Variants in TRAPPC4 observed in about 807,000 individuals in gnomAD.
The protein encoded by TRAPPC4 is TRS23 homolog.
A neutral mutation model predicts 23.5 loss-of-function variants in TRAPPC4; 30 were observed. The observed-to-expected ratio is 1.28, with a 90% CI of 0.96 to 1.73. The LOEUF is 1.73. TRAPPC4 is among the 40% of genes most tolerant of loss of function. The probability of loss-of-function intolerance (pLI) is 0.00; values close to 1 mark genes in which losing one functional copy is unlikely to be tolerated. For missense variants in TRAPPC4, 252 were observed against 268.9 expected (o/e 0.94, Z 0.44); for synonymous variants, 129 against 105.3 (o/e 1.23, Z -1.38).
chr11:119,019,380 T>C (rs546431633), intron 2 of TRAPPC4, 63 bp downstream of exon 2: 1 of 1,540,328 alleles, frequency 6.5e-7, no homozygotes, highest in Admixed American at 1.9e-5. Context: ...TAAATCGTCG[T>C]TCTGGTGTTA....
In TRAPPC4 at chr11:119,019,257, G is replaced by T. The variant is rs781950400; in HGVS notation, c.290G>T (p.Arg97Leu). ...CCTGCTAATTACCCGGTGTCCATTC[G>T]ATTTGGCCGGCCCCGCCTCACTTCT... ...GNPANYPVSI[R>L]FGRPRLTSNE... is the part of the protein sequence containing the mutation. Residue 97 changes from arginine to leucine, a missense_variant, in exon 2 of 5, where the codon CGA becomes CTA. Around this residue, in one of 3 missense-constraint regions of TRAPPC4, gnomAD observed 222 missense variants for 217.8 expected, o/e 1.02. Transcript: ENST00000533632. 2 of 1,614,068 alleles carry T rather than the reference G, an allele frequency of 1.2e-6. No homozygotes were observed. Among genetic ancestry groups the T allele is most frequent in the South Asian group, 1.1e-5 (1 of 91,088 alleles).
At chr11:119,021,689 T>C (rs927052536) in intron 3 of TRAPPC4, 71 bp from the exon 4 acceptor site, 96 of 1,549,698 alleles carry the variant, frequency 6.2e-5, no homozygotes, top group Non-Finnish European at 7.7e-5. Flanking sequence ...TTGAAAGTGC[T>C]GTACAAATAC....
chr11:119,020,489 G>GCC lies in TRAPPC4; in HGVS notation c.454+240_454+241dup. 7.5e-6 allele frequency: 3 copies of GCC among 397,690 alleles called. No homozygotes were observed. In the South Asian group the frequency reaches 8.2e-5, roughly 11 times the overall value. The allele number at this position is 397,690 out of a possible 1,614,324, so 24.6% of individuals were successfully genotyped here. ...AGGCTGGAATGCAGGGGCATGATCC[G>GCC]CCCCCTGGGTTCAAGCGATTCTCCT... On this transcript the variant is annotated intron_variant, in intron 3 of 4. Transcript: ENST00000533632.
In TRAPPC4 at chr11:119,018,794, C is replaced by A; in HGVS notation, c.-2C>A. The A allele has an allele frequency of 1.2e-6, 2 of 1,611,304 alleles. No homozygotes were observed. ...TACCAGTTTCCGAGCGGCAAGGCAG[C>A]GATGGCGATTTTTAGTGTGTATGTG... is the stretch of plus-strand genomic sequence containing the variant. On this transcript the variant is annotated 5_prime_UTR_variant, in exon 1 of 5. Coordinates refer to ENST00000533632, the MANE Select transcript of TRAPPC4 (RefSeq NM_016146.6).
chr11:119,020,604 T>C lies in TRAPPC4; in HGVS notation c.454+351T>C, dbSNP rs117694374. The C allele has an allele frequency of 8.4e-3, 1,704 of 202,324 alleles. 10 individuals are homozygous for C. The highest frequency in any genetic ancestry group is 0.023 in the Middle Eastern group (11 of 488). 12.5% of individuals were successfully genotyped at this position (202,324 alleles called of 1,614,324 possible). On this transcript the variant is annotated intron_variant, in intron 3 of 4. Transcript: ENST00000533632. The stretch of plus-strand genomic sequence containing the variant: ...TTTTATTAGAGATGGTGTTTCTCCA[T>C]ATTGGTCATGGTGGTCTCAAACTCC...
At position 119,019,161 on chromosome 11, in the gene TRAPPC4, C is replaced by T. The variant is rs558283221; in HGVS notation, c.194C>T (p.Ala65Val). The T allele has an allele frequency of 1.9e-6, 3 of 1,614,136 alleles. No homozygotes were observed. Among genetic ancestry groups the T allele is most frequent in the African/African-American group, 1.3e-5 (1 of 75,048 alleles). The change falls in exon 2 of 5, where the codon GCC becomes GTC. Residue 65 changes from alanine (A) to valine (V), a missense_variant. Around this residue, in one of 3 missense-constraint regions of TRAPPC4, gnomAD observed 222 missense variants for 217.8 expected, o/e 1.02. Transcript: ENST00000533632. ...DGIRVGHAVLAINGMDVNGRY... is the reference protein window; with the variant it reads ...DGIRVGHAVLVINGMDVNGRY... ...TCTGCAGTGGGTCATGCAGTGCTGG[C>T]CATCAATGGCATGGACGTGAATGGC...
At chr11:119,020,493 C>G in intron 3 of TRAPPC4, 1 of 386,972 alleles carries the variant, frequency 2.6e-6, no homozygotes, top group South Asian at 2.8e-5. Context: ...TGATCCGCCC[C>G]CTGGGTTCAA....
At chr11:119,020,348 G>A (rs912125799) in intron 3 of TRAPPC4, 95 bp downstream of exon 3, 1 of 969,132 alleles carries the variant, frequency 1.0e-6, no homozygotes, top group South Asian at 1.4e-5. Context: ...GAGGAGTGTG[G>A]TGGAGAAGGT....
intron 2 of TRAPPC4, chr11:119,019,820 A>T: frequency 4.9e-6 from 1 of 203,790 alleles, no homozygotes; most frequent in South Asian, 9.3e-5. Flanking sequence ...AGTTTAACTA[A>T]ATGACCTTTA....
intron 3 of TRAPPC4, chr11:119,021,273 T>C (rs73559182): frequency 0.018 from 2,828 of 153,316 alleles, 88 homozygotes; most frequent in African/African-American, 0.062. Flanking sequence ...ATTTTGTCCA[T>C]GCCACCCAGC....
intron 3 of TRAPPC4, 172 bp from the exon 4 acceptor site, chr11:119,021,588 G>C (rs1943359521): frequency 3.1e-6 from 2 of 650,930 alleles, no homozygotes; most frequent in Non-Finnish European, 5.0e-6. Context: ...CACTTCTCTG[G>C]TCTCATCGGT....
Position 119,018,949 on chromosome 11 carries a change from G to T in TRAPPC4, c.154G>T (p.Gly52Cys). Residue 52 changes from glycine (G) to cysteine (C), a missense_variant, in exon 1 of 5, where the codon GGC (glycine) becomes TGC (cysteine). Gly to Cys is a radical substitution (Grantham distance 159). Transcript: ENST00000533632. ...LHDERVLVAFGQRDGIRVGHA... is the reference protein window; with the variant it reads ...LHDERVLVAFCQRDGIRVGHA... ...CGATGAGCGTGTGTTGGTTGCTTTC[G>T]GCCAGCGGGACGGCATCCGAGGTGG... 6.2e-7 allele frequency: 1 copy of T among 1,612,520 alleles called. No individual in the cohort carries two copies. Among genetic ancestry groups the T allele is most frequent in the South Asian group, 1.1e-5 (1 of 91,062 alleles).
Position 119,020,181 on chromosome 11 carries a change from G to A in TRAPPC4, c.382G>A (p.Glu128Lys), listed in dbSNP as rs1031616955. 14 of 1,613,828 alleles carry A rather than the reference G, an allele frequency of 8.7e-6. No homozygotes were observed. The highest frequency in any genetic ancestry group is 2.7e-5 in the African/African-American group (2 of 74,916). ...TGCCATCGGCTCCCAGCTGTCTCCT[G>A]AACAGGGAAGCTCAGGCATTGAGAT... is the stretch of plus-strand genomic sequence containing the variant. Reference protein sequence around the residue: ...LFAIGSQLSPEQGSSGIEMLE... With the variant: ...LFAIGSQLSPKQGSSGIEMLE... Residue 128 changes from glutamate to lysine, a missense_variant, in exon 3 of 5, where the codon GAA becomes AAA. Transcript: ENST00000533632.
intron 1 of TRAPPC4, 35 bp downstream of exon 1, chr11:119,019,005 G>A (rs143177856): frequency 1.6e-5 from 25 of 1,603,396 alleles, no homozygotes; most frequent in South Asian, 3.3e-5. Flanking sequence ...GGGTGCGGGG[G>A]TGGGAGGGCC....
chr11:119,019,039 T>C (rs1460632334), intron 1 of TRAPPC4, 69 bp downstream of exon 1: 2 of 1,589,606 alleles, frequency 1.3e-6, no homozygotes, highest in Non-Finnish European at 1.7e-6. Context: ...AGTGGGCTGG[T>C]TGTAGGTGCG....
intron 2 of TRAPPC4, 26 bp from the exon 3 acceptor site, chr11:119,020,124 A>T (rs1160761638): frequency 1.3e-6 from 2 of 1,581,518 alleles, no homozygotes; most frequent in South Asian, 2.2e-5. Context: ...CCTTCCTTAG[A>T]GCAACTTTGC....
In TRAPPC4 at chr11:119,018,922, C is replaced by CA. The variant is rs782574031; in HGVS notation, c.128dup (p.His43GlnfsTer3). 6.2e-7 allele frequency: 1 copy of CA among 1,613,810 alleles called. No individual in the cohort carries two copies. Among genetic ancestry groups the CA allele is most frequent in the East Asian group, 2.2e-5 (1 of 44,892 alleles). ...TCCGCTGGATCTGCTGCTCAAGCTA[C>CA]ACGATGAGCGTGTGTTGGTTGCTTT... On this transcript the variant is annotated frameshift_variant, in exon 1 of 5. Transcript: ENST00000533632. LOFTEE classifies it high-confidence loss of function.
chr11:119,020,659 G>A, intron 3 of TRAPPC4: 1 of 161,002 alleles, frequency 6.2e-6, no homozygotes, highest in Non-Finnish European at 1.3e-5. Context: ...GCCTCCCAAA[G>A]TGTTGGGATT....
rs782147911 is a variant in TRAPPC4 at position 119,018,874 on chromosome 11, G to A, written c.79G>A (p.Glu27Lys). Residue 27 changes from glutamate to lysine, a missense_variant, in exon 1 of 5, where the codon GAG becomes AAG. Transcript: ENST00000533632. ...GTTGGACAGCTACGCGCCACGGGCTGAGGCTGAGAAAACTTTCAGTTATCC... is the reference window on the plus strand; with the variant it reads ...GTTGGACAGCTACGCGCCACGGGCTAAGGCTGAGAAAACTTTCAGTTATCC... ...YQLDSYAPRAEAEKTFSYPLD... is the reference protein window; with the variant it reads ...YQLDSYAPRAKAEKTFSYPLD... 1.2e-6 allele frequency: 2 copies of A among 1,614,214 alleles called. No homozygotes were observed. Among genetic ancestry groups the A allele is most frequent in the Non-Finnish European group, 1.7e-6 (2 of 1,180,038 alleles).
Sources: allele counts gnomAD v4.1 joint callset, GRCh38; gene constraint gnomAD v4.1.1; regional missense constraint gnomAD v4.1.1; transcripts MANE v1.5; gene names NCBI Gene and HGNC (gene_info 2026-07-23, HGNC 2026-07-21).